ANKRD30A: variants seen among roughly 807,000 people sequenced by gnomAD.
ANKRD30A encodes ankyrin repeat domain 30A.
A neutral mutation model predicts 166.3 loss-of-function variants in ANKRD30A; 170 were observed. The observed-to-expected ratio is 1.02, with a 90% CI of 0.90 to 1.16. The LOEUF (loss-of-function observed/expected upper bound fraction) is 1.16. Ranked by LOEUF, ANKRD30A falls within the 50% of genes most tolerant of loss-of-function variation. The probability of loss-of-function intolerance (pLI) is 0.00; values close to 1 mark genes in which losing one functional copy is unlikely to be tolerated. For synonymous variants in ANKRD30A, 564 were observed against 508.9 expected, an observed-to-expected ratio of 1.11 and a Z score of -1.46; for missense variants, 1,630 against 1,518.0, an observed-to-expected ratio of 1.07 and a Z score of -1.23.
rs575713886 is a variant in ANKRD30A, at chr10:37,201,444, A to G, written c.2869+119A>G. 4.9e-5 allele frequency: 34 copies of G among 699,732 alleles called. No individual in the cohort carries two copies. The African/African-American group carries it at 6.4e-4, about 13-fold the overall frequency. The allele number at this position is 699,732 out of a possible 1,614,324, so 43.3% of individuals were successfully genotyped here. A position where few individuals can be genotyped will look rare whatever the true frequency, so the allele number is the denominator to read the frequency against. On this transcript the variant is annotated intron_variant, in intron 31 of 35. Transcript: ENST00000361713. ...TCCTAAATGCAAACCATGGAAAAAA[A>G]GAGAAGTGCAATGGTCATAAGTTAT...
At chr10:37,142,398 C>G in intron 7 of ANKRD30A, 108 bp downstream of exon 7, 1 of 1,021,664 alleles carries the variant, frequency 9.8e-7, no homozygotes, top group Non-Finnish European at 1.4e-6. Context: ...CTAAATAAGG[C>G]GAGCTTAGGC....
chr10:37,230,425 G>T (rs567336989), intron 34 of ANKRD30A, among the ~76,000 whole-genome samples: 18 of 152,044 alleles, frequency 1.2e-4, no homozygotes, highest in African/African-American at 3.1e-4. Context: ...TGTCTCTTCC[G>T]CATTTGTTGG....
chr10:37,192,797 G>A (rs542003167), intron 25 of ANKRD30A, among the ~76,000 whole-genome samples: 39 of 151,876 alleles, frequency 2.6e-4, no homozygotes, highest in Admixed American at 1.1e-3. Context: ...GGATATTTCT[G>A]CTTTAGTTAT....
At position 37,126,028 on chromosome 10, in the gene ANKRD30A, C is replaced by T. The variant is rs774594463; in HGVS notation, c.221+20C>T. The T allele has an allele frequency of 1.9e-6, 3 of 1,611,418 alleles. No individual in the cohort carries two copies. The Admixed American group carries it at 5.0e-5, about 27-fold the overall frequency. On this transcript the variant is annotated intron_variant, in intron 1 of 35. Transcript: ENST00000361713. ...GAAGAGGTACCAGGCCCTGCCTGAG[C>T]CGGGGCTGCAGGAGGAGGTGGGGGC...
chr10:37,216,518 A>G, intron 32 of ANKRD30A, 124 bp downstream of exon 32: 2 of 868,178 alleles, frequency 2.3e-6, no homozygotes, highest in South Asian at 4.4e-5. Flanking sequence ...TGTCTTGTAG[A>G]GTGTCAAATT....
In ANKRD30A at chr10:37,165,139, A is replaced by C. The variant is rs538552925; in HGVS notation, c.2048A>C (p.Asn683Thr). The C allele has an allele frequency of 1.5e-5, 24 of 1,606,898 alleles. No individual in the cohort carries two copies. Among genetic ancestry groups the C allele is most frequent in the Non-Finnish European group, 2.0e-5 (24 of 1,173,926 alleles). The change falls in exon 18 of 36, where the codon AAT becomes ACT. Residue 683 changes from asparagine to threonine, a missense_variant. This residue lies in a region of ANKRD30A where 904 missense variants were observed against 818.5 expected (regional missense o/e 1.10). Transcript: ENST00000361713. ...SESKQKDYEE[N>T]SWDTESLCET... ...TCCAAACAAAAGGACTATGAAGAAA[A>C]TTCTTGGGATACTGAGGTACTGTGT...
At chr10:37,160,227 G>C (rs1212942536) in intron 15 of ANKRD30A, among the ~76,000 whole-genome samples, 1 of 152,132 alleles carries the variant, frequency 6.6e-6, no homozygotes, top group Non-Finnish European at 1.5e-5. Context: ...TTACTGAAGT[G>C]GGGGTATTTA....
chr10:37,139,235 G>A (rs1373487379), intron 6 of ANKRD30A, among the ~76,000 whole-genome samples: 1 of 152,204 alleles, frequency 6.6e-6, no homozygotes, highest in Admixed American at 6.5e-5. Context: ...TCCTGCAGAT[G>A]GTTGAGACAC....
intron 6 of ANKRD30A, among the ~76,000 whole-genome samples, chr10:37,136,926 A>G (rs1299286805): frequency 6.6e-6 from 1 of 151,610 alleles, no homozygotes; most frequent in African/African-American, 2.4e-5. Flanking sequence ...TAATCTCAAA[A>G]AATGTTACCT....
Position 37,133,918 on chromosome 10 carries a change from C to T in ANKRD30A, c.620C>T (p.Thr207Ile). The change falls in exon 5 of 36, where the codon ACA (threonine) becomes ATA (isoleucine). Residue 207 changes from threonine to isoleucine, a missense_variant and splice_region_variant. By Grantham distance (89) the Thr-to-Ile change is moderately conservative. Coordinates refer to ENST00000361713, the MANE Select transcript of ANKRD30A (RefSeq NM_052997.3). ...NANAVNKYKC[T>I]ALMLAVCHGS... is the part of the protein sequence containing the mutation. ...AAGTTATCTCTTTGTTATTTTAGCACAGCCCTCATGCTTGCTGTATGTCAT... is the reference window on the plus strand; with the variant it reads ...AAGTTATCTCTTTGTTATTTTAGCATAGCCCTCATGCTTGCTGTATGTCAT... 6.2e-7 allele frequency: 1 copy of T among 1,613,540 alleles called. No individual in the cohort carries two copies. The highest frequency in any genetic ancestry group is 8.5e-7 in the Non-Finnish European group (1 of 1,179,802).
chr10:37,147,354 A>T lies in ANKRD30A; in HGVS notation c.1456-16A>T, dbSNP rs770768154. 1 of 1,521,278 alleles carries T rather than the reference A, an allele frequency of 6.6e-7. No homozygotes were observed. Among genetic ancestry groups the T allele is most frequent in the Admixed American group, 2.1e-5 (1 of 48,698 alleles). 94.2% of individuals were successfully genotyped at this position (1,521,278 alleles called of 1,614,324 possible). A position where few individuals can be genotyped will look rare whatever the true frequency, so the allele number is the denominator to read the frequency against. On this transcript the variant is annotated splice_polypyrimidine_tract_variant and intron_variant, in intron 8 of 35. Coordinates refer to ENST00000361713, the MANE Select transcript of ANKRD30A (RefSeq NM_052997.3). ...ATTTTAAAACTGAAATTATCTATTG[A>T]TACTACTTTTAACAGAGTCTCTTTG...
At chr10:37,247,025 C>T in the ANKRD30A span, among the ~76,000 whole-genome samples, 2 of 152,120 alleles carry the variant, frequency 1.3e-5, no homozygotes, top group Non-Finnish European at 2.9e-5. Flanking sequence ...GTTCCTAGAA[C>T]GTTCCTCTGT....
At chr10:37,162,872 G>T (rs144276770) in intron 17 of ANKRD30A, 24 bp downstream of exon 17, 2 of 1,606,692 alleles carry the variant, frequency 1.2e-6, no homozygotes, top group Admixed American at 3.3e-5. Flanking sequence ...TGTAACTATG[G>T]AAAGACCAAT....
intron 15 of ANKRD30A, among the ~76,000 whole-genome samples, chr10:37,161,109 T>C (rs961239548): frequency 3.5e-4 from 54 of 152,188 alleles, no homozygotes; most frequent in African/African-American, 1.0e-3. Flanking sequence ...AAAAAATTAG[T>C]CGGACGTGGT....
At chr10:37,190,008 A>G (rs955766159) in intron 25 of ANKRD30A, among the ~76,000 whole-genome samples, 1 of 151,912 alleles carries the variant, frequency 6.6e-6, no homozygotes, top group African/African-American at 2.4e-5. Flanking sequence ...AGAGAATTAC[A>G]GCAAAAATAT....
intron 27 of ANKRD30A, among the ~76,000 whole-genome samples, chr10:37,193,969 C>A (rs1286568803): frequency 6.6e-6 from 1 of 152,112 alleles, no homozygotes; most frequent in African/African-American, 2.4e-5. Flanking sequence ...GAAAGGCAGA[C>A]AGATAAGTTA....
chr10:37,220,654 A>G (rs893044167), intron 34 of ANKRD30A, among the ~76,000 whole-genome samples: 1 of 151,192 alleles, frequency 6.6e-6, no homozygotes, highest in African/African-American at 2.4e-5. Flanking sequence ...ATATTGTTAC[A>G]AATAATTTGC....
chr10:37,199,379 A>C (rs1359564965), intron 29 of ANKRD30A, among the ~76,000 whole-genome samples: 40 of 152,084 alleles, frequency 2.6e-4, no homozygotes, highest in Admixed American at 2.6e-3. Context: ...TTTACAAAGA[A>C]ATGAGAGATG....
At chr10:37,158,637 T>C in intron 15 of ANKRD30A, 51 bp downstream of exon 15, 3 of 1,598,804 alleles carry the variant, frequency 1.9e-6, no homozygotes, top group Non-Finnish European at 2.6e-6. Flanking sequence ...ATTAAAATAT[T>C]TGAAATGCTG....
Sources: gnomAD v4.1 joint callset for allele counts (sites outside exome capture counted in the v4.1 genomes callset) on GRCh38, gnomAD v4.1.1 for gene constraint, gnomAD v4.1.1 regional missense constraint, MANE v1.5 for transcripts, NCBI Gene and HGNC (gene_info 2026-07-23, HGNC 2026-07-21) for gene names.